The following DISC1 variants were observed in gnomAD, a reference collection of about 807,000 sequenced individuals.
DISC1 encodes disrupted in schizophrenia 1 protein.
DISC1 carries 57 observed loss-of-function variants against 84.5 expected under a neutral mutation model. That is an observed-to-expected ratio of 0.67 (90% CI 0.55 to 0.84). The LOEUF (loss-of-function observed/expected upper bound fraction) is 0.84. Ranked by LOEUF, DISC1 falls within the 40% of genes least tolerant of loss-of-function variation. The probability of loss-of-function intolerance (pLI) is 0.00; values close to 1 mark genes in which losing one functional copy is unlikely to be tolerated. For missense variants in DISC1, 1,000 were observed against 1,057.8 expected (o/e 0.95, Z 0.76); for synonymous variants, 411 against 415.2 (o/e 0.99, Z 0.12).
intron 11 of DISC1, among the ~76,000 whole-genome samples, chr1:232,010,697 G>T (rs749371814): frequency 2.0e-5 from 3 of 152,196 alleles, no homozygotes; most frequent in Admixed American, 1.3e-4. Flanking sequence ...ACAGAAACCA[G>T]TGTATTTTTA....
intron 6 of DISC1, among the ~76,000 whole-genome samples, chr1:231,781,365 A>G (rs2077418296): frequency 6.6e-6 from 1 of 152,010 alleles, no homozygotes; most frequent in Admixed American, 6.6e-5. Context: ...TATTATTCTT[A>G]GTATTATTAT....
chr1:231,701,856 TCA>T (rs1217895905), intron 2 of DISC1, 97 bp from the exon 3 acceptor site: 6 of 1,018,122 alleles, frequency 5.9e-6, no homozygotes, highest in Non-Finnish European at 8.3e-6. Flanking sequence ...ATGAAGAAGT[TCA>T]GTTTTGAAAC....
intron 9 of DISC1, among the ~76,000 whole-genome samples, chr1:231,891,435 A>G (rs567557367): frequency 6.6e-6 from 1 of 152,320 alleles, no homozygotes; most frequent in South Asian, 2.1e-4. Context: ...ATCCTGTGTC[A>G]TGCCACGTGA....
intron 9 of DISC1, among the ~76,000 whole-genome samples, chr1:231,918,986 A>G (rs1035943549): frequency 8.5e-5 from 13 of 152,204 alleles, no homozygotes; most frequent in African/African-American, 2.2e-4. Context: ...GTTTCCAAGT[A>G]TAACCTTCCA....
At chr1:231,887,775 G>A (rs2086880364) in intron 9 of DISC1, among the ~76,000 whole-genome samples, 1 of 152,204 alleles carries the variant, frequency 6.6e-6, no homozygotes, top group Admixed American at 6.5e-5. Flanking sequence ...TCAAGGAAGT[G>A]GGGAAAATAA....
In DISC1 at chr1:232,040,797, C is replaced by T. The variant is rs1670752186; in HGVS notation, c.*3966C>T. 1 of 152,200 alleles carries T rather than the reference C, an allele frequency of 6.6e-6. No homozygotes were observed. Among genetic ancestry groups the T allele is most frequent in the South Asian group, 2.1e-4 (1 of 4,834 alleles). 9.4% of individuals were successfully genotyped at this position (152,200 alleles called of 1,614,324 possible). On this transcript the variant is annotated 3_prime_UTR_variant, in exon 13 of 13. Transcript: ENST00000439617. Reference sequence around the variant, plus strand: ...CCTCACTGTGAAGTCTAGGCTCAGACAGGCATCAACAAACCTATTCACCCC... The same window carrying T: ...CCTCACTGTGAAGTCTAGGCTCAGATAGGCATCAACAAACCTATTCACCCC...
chr1:231,938,896 C>G (rs957746070), intron 9 of DISC1, among the ~76,000 whole-genome samples: 7 of 152,146 alleles, frequency 4.6e-5, no homozygotes, highest in African/African-American at 1.7e-4. Flanking sequence ...GAAACTCTGC[C>G]AGCTGACAAA....
chr1:231,684,578 G>C (rs1169366337), intron 1 of DISC1, among the ~76,000 whole-genome samples: 2 of 152,050 alleles, frequency 1.3e-5, no homozygotes, highest in Non-Finnish European at 2.9e-5. Flanking sequence ...GAGGTCCCTT[G>C]CACATCACGT....
At chr1:232,000,554 C>T (rs1408447327) in intron 10 of DISC1, among the ~76,000 whole-genome samples, 4 of 151,320 alleles carry the variant, frequency 2.6e-5, no homozygotes, top group Non-Finnish European at 5.9e-5. Context: ...AAAAGCTCCC[C>T]AAATTTGGTG....
intron 10 of DISC1, among the ~76,000 whole-genome samples, chr1:232,005,169 A>G (rs532519218): frequency 6.6e-6 from 1 of 150,922 alleles, no homozygotes; most frequent in Non-Finnish European, 1.5e-5. Flanking sequence ...AAATACATAC[A>G]TCATGAATGT....
At chr1:231,816,393 T>C (rs997585395) in intron 8 of DISC1, among the ~76,000 whole-genome samples, 4 of 152,242 alleles carry the variant, frequency 2.6e-5, no homozygotes, top group African/African-American at 7.2e-5. Flanking sequence ...TCTCATTTTT[T>C]AGTTGTGTCT....
intron 6 of DISC1, among the ~76,000 whole-genome samples, chr1:231,786,153 GTTT>G (rs1255970415): frequency 6.6e-6 from 1 of 151,956 alleles, no homozygotes; most frequent in Non-Finnish European, 1.5e-5. Context: ...AAACCTTTGT[GTTT>G]TTTAGATTCT....
At position 232,026,423 on chromosome 1, in the gene DISC1, C is replaced by G. The variant is rs757293967; in HGVS notation, c.2308-12C>G. ...GCACTAACAAGTGATCTTGTTTTCC[C>G]CCTCTCGCCAGGAATCTTACATCCT... On this transcript the variant is annotated splice_polypyrimidine_tract_variant and intron_variant, in intron 11 of 12. Coordinates refer to ENST00000439617, the MANE Select transcript of DISC1 (RefSeq NM_018662.3). The G allele has an allele frequency of 1.3e-6, 2 of 1,566,642 alleles. No homozygotes were observed. Among genetic ancestry groups the G allele is most frequent in the East Asian group, 2.3e-5 (1 of 43,816 alleles).
intron 3 of DISC1, among the ~76,000 whole-genome samples, chr1:231,705,703 G>A (rs1294228027): frequency 5.9e-5 from 9 of 152,190 alleles, no homozygotes; most frequent in African/African-American, 2.2e-4. Flanking sequence ...GTTCAAATAA[G>A]ATTTGAATAC....
chr1:231,795,150 G>C, intron 6 of DISC1, 92 bp from the exon 7 acceptor site: 1 of 1,253,448 alleles, frequency 8.0e-7, no homozygotes, highest in East Asian at 2.3e-5. Flanking sequence ...CATCAGACCA[G>C]TGGAAGGTTC....
chr1:231,710,841 C>T (rs2067724780), intron 3 of DISC1, among the ~76,000 whole-genome samples: 1 of 152,082 alleles, frequency 6.6e-6, no homozygotes, highest in Non-Finnish European at 1.5e-5. Flanking sequence ...TTCTGAGGTC[C>T]TGGGGGTTAG....
intron 10 of DISC1, among the ~76,000 whole-genome samples, chr1:231,994,719 C>T (rs1193162731): frequency 6.6e-6 from 1 of 152,122 alleles, no homozygotes; most frequent in African/African-American, 2.4e-5. Flanking sequence ...TGATGAGTAG[C>T]TGCACTGCCT....
Position 232,036,984 on chromosome 1 carries a change from A to C in DISC1, c.*153A>C. The C allele has an allele frequency of 1.3e-6, 1 of 799,216 alleles. No homozygotes were observed. Among genetic ancestry groups the C allele is most frequent in the Non-Finnish European group, 1.8e-6 (1 of 558,956 alleles). The allele number at this position is 799,216 out of a possible 1,614,324, so 49.5% of individuals were successfully genotyped here. A position where few individuals can be genotyped will look rare whatever the true frequency, so the allele number is the denominator to read the frequency against. On this transcript the variant is annotated 3_prime_UTR_variant, in exon 13 of 13. Transcript: ENST00000439617. Reference sequence around the variant, plus strand: ...GGAAAGGTGGTTCATGTTCATTCTCATCAGTGTGAAACTGAGGAGTCTGCA... The same window carrying C: ...GGAAAGGTGGTTCATGTTCATTCTCCTCAGTGTGAAACTGAGGAGTCTGCA...
Position 231,721,137 on chromosome 1 carries a change from C to A in DISC1, c.1117+19113C>A. 7 of 1,268,690 alleles carry A rather than the reference C, an allele frequency of 5.5e-6. No homozygotes were observed. In the Admixed American group the frequency reaches 1.6e-4, roughly 29 times the overall value. 78.6% of individuals were successfully genotyped at this position (1,268,690 alleles called of 1,614,324 possible). A position where few individuals can be genotyped will look rare whatever the true frequency, so the allele number is the denominator to read the frequency against. The stretch of plus-strand genomic sequence containing the variant: ...ATGAGTACAATAACATTAGCTCTAC[C>A]TACCTTGCTGGGCTGATGAAAGAAA... On this transcript the variant is annotated intron_variant, in intron 3 of 12. Transcript: ENST00000439617.
Sources: gnomAD v4.1 joint callset for allele counts (sites outside exome capture counted in the v4.1 genomes callset) on GRCh38, gnomAD v4.1.1 for gene constraint, MANE v1.5 for transcripts, NCBI Gene and HGNC (gene_info 2026-07-23, HGNC 2026-07-21) for gene names.